SYNE3: variants seen among roughly 807,000 people sequenced by gnomAD.
The protein encoded by SYNE3 is spectrin repeat containing nuclear envelope family member 3, also known as nesprin-3.
Under a neutral mutation model 111.2 loss-of-function variants are expected in SYNE3, and 100 were observed. The observed-to-expected ratio is 0.90, with a 90% CI of 0.77 to 1.06. SYNE3 has a LOEUF of 1.06. Among genes scored for constraint, SYNE3 ranks in the 50% least tolerant of loss-of-function variants. The pLI, the probability that SYNE3 is intolerant of heterozygous loss-of-function variation, is 0.00. For synonymous variants in SYNE3, 547 were observed against 533.9 expected (o/e 1.02, Z -0.34); for missense variants, 1,160 against 1,240.3 (o/e 0.94, Z 0.97).
intron 1 of SYNE3, among the ~76,000 whole-genome samples, chr14:95,481,463 C>T (rs925229408): frequency 1.1e-4 from 16 of 152,126 alleles, no homozygotes; most frequent in African/African-American, 2.9e-4. Context: ...AGAGACAAGG[C>T]GGGGAGGCAA....
chr14:95,441,827 G>A (rs181054901), intron 11 of SYNE3, among the ~76,000 whole-genome samples: 13 of 152,344 alleles, frequency 8.5e-5, no homozygotes, highest in African/African-American at 2.9e-4. Flanking sequence ...CTTATGTCCT[G>A]GAAACTGGTG....
At chr14:95,444,156 T>C in intron 10 of SYNE3, 1 of 359,728 alleles carries the variant, frequency 2.8e-6, no homozygotes, top group Non-Finnish European at 4.9e-6. Context: ...AATCCCAAAG[T>C]TGGTTTAACT....
intron 1 of SYNE3, among the ~76,000 whole-genome samples, chr14:95,491,996 C>T (rs1889875089): frequency 6.6e-6 from 1 of 152,166 alleles, no homozygotes; most frequent in Non-Finnish European, 1.5e-5. Context: ...CCAATGAGCA[C>T]ACTGAGAAGC....
At chr14:95,492,271 A>G (rs1413968148) in intron 1 of SYNE3, among the ~76,000 whole-genome samples, 2 of 152,244 alleles carry the variant, frequency 1.3e-5, no homozygotes, top group African/African-American at 4.8e-5. Context: ...TTCTACTCTT[A>G]CATATATACT....
chr14:95,407,736 C>G lies in SYNE3; in HGVS notation c.*10090G>C, dbSNP rs1326907591. 1 of 152,066 alleles carries G rather than the reference C, an allele frequency of 6.6e-6. No homozygotes were observed. The highest frequency in any genetic ancestry group is 1.5e-5 in the Non-Finnish European group (1 of 68,026). 9.4% of individuals were successfully genotyped at this position (152,066 alleles called of 1,614,324 possible). A position where few individuals can be genotyped will look rare whatever the true frequency, so the allele number is the denominator to read the frequency against. On this transcript the variant is annotated 3_prime_UTR_variant, in exon 18 of 18. Transcript: ENST00000682763. ...TATGCAGCATCTACATGCACATATA[C>G]ACACACAAGTGTGAACGCATACACA...
chr14:95,512,719 G>A (rs1009925686), intron 1 of SYNE3, among the ~76,000 whole-genome samples: 14 of 149,894 alleles, frequency 9.3e-5, no homozygotes, highest in South Asian at 6.4e-4. Flanking sequence ...TTAGCCGGAC[G>A]TGGTGGTGGG....
intron 6 of SYNE3, among the ~76,000 whole-genome samples, chr14:95,454,235 A>G (rs1296272400): frequency 1.3e-5 from 2 of 152,176 alleles, no homozygotes; most frequent in Non-Finnish European, 2.9e-5. Context: ...TCCTCTTGCT[A>G]TGTTAATTTT....
intron 17 of SYNE3, among the ~76,000 whole-genome samples, chr14:95,431,729 A>G (rs912550528): frequency 6.6e-6 from 1 of 152,244 alleles, no homozygotes; most frequent in Non-Finnish European, 1.5e-5. Context: ...TTCCTGGGAC[A>G]GTCCCGGTTC....
In SYNE3 at chr14:95,417,144, G is replaced by T; in HGVS notation, c.*682C>A. 1 of 155,902 alleles carries T rather than the reference G, an allele frequency of 6.4e-6. No individual in the cohort carries two copies. The highest frequency in any genetic ancestry group is 1.4e-5 in the Non-Finnish European group (1 of 70,232). 9.7% of individuals were successfully genotyped at this position (155,902 alleles called of 1,614,324 possible). On this transcript the variant is annotated 3_prime_UTR_variant, in exon 18 of 18. Transcript: ENST00000682763. ...CACACAGCTGTGCTTTCTTAGTTCG[G>T]GGATCTGCTCTCTGCAGCTCTTCTT...
chr14:95,422,183 A>G (rs1434071946), intron 17 of SYNE3, among the ~76,000 whole-genome samples: 2 of 151,898 alleles, frequency 1.3e-5, no homozygotes, highest in Non-Finnish European at 2.9e-5. Flanking sequence ...CACCACTGAG[A>G]CATGGGCCAC....
intron 4 of SYNE3, 47 bp from the exon 5 acceptor site, chr14:95,457,385 C>T: frequency 1.3e-6 from 2 of 1,599,520 alleles, no homozygotes; most frequent in South Asian, 1.1e-5. Flanking sequence ...CCAGCCCAGA[C>T]AGCCCAAAGG....
At chr14:95,505,414 G>A (rs920363011) in intron 1 of SYNE3, among the ~76,000 whole-genome samples, 5 of 152,332 alleles carry the variant, frequency 3.3e-5, no homozygotes, top group African/African-American at 1.2e-4. Flanking sequence ...TCTCTGCCAG[G>A]CCAGGTGGCT....
At chr14:95,431,187 G>A (rs150889323) in intron 17 of SYNE3, among the ~76,000 whole-genome samples, 80 of 152,298 alleles carry the variant, frequency 5.3e-4, no homozygotes, top group African/African-American at 1.8e-3. Flanking sequence ...AGGAGACACC[G>A]ATTTACACTT....
At chr14:95,469,621 G>A (rs2060131860) in intron 2 of SYNE3, among the ~76,000 whole-genome samples, 1 of 151,954 alleles carries the variant, frequency 6.6e-6, no homozygotes, top group Admixed American at 6.6e-5. Context: ...TGATGTGGGA[G>A]GATCGCTTGA....
chr14:95,432,224 G>T, intron 16 of SYNE3, 107 bp from the exon 17 acceptor site: 2 of 1,363,502 alleles, frequency 1.5e-6, no homozygotes, highest in Non-Finnish European at 2.0e-6. Context: ...TGTCAGGGGA[G>T]TGTTTCTTTA....
chr14:95,497,997 C>G (rs1377632583), intron 1 of SYNE3, among the ~76,000 whole-genome samples: 1 of 151,062 alleles, frequency 6.6e-6, no homozygotes, highest in Non-Finnish European at 1.5e-5. Context: ...CACTCCCCTC[C>G]AGCCTGGGTG....
In SYNE3 at chr14:95,509,143, G is replaced by A. The variant is rs139961206; in HGVS notation, c.-15+7453C>T. ...ATTAGTATCAATGGCAAAGTGCAAC[G>A]GGAACAGGGAAACAGAGATCACCAA... is the stretch of plus-strand genomic sequence containing the variant. On this transcript the variant is annotated intron_variant, in intron 1 of 17. Coordinates refer to ENST00000682763, the MANE Select transcript of SYNE3 (RefSeq NM_152592.6). 3.3e-4 allele frequency among the ~76,000 whole-genome samples: 50 copies of A among 152,298 alleles called. No individual in the cohort carries two copies. In the East Asian group the frequency reaches 8.5e-3, roughly 26 times the overall value.
At chr14:95,509,961 A>G (rs1890665444) in intron 1 of SYNE3, among the ~76,000 whole-genome samples, 1 of 152,202 alleles carries the variant, frequency 6.6e-6, no homozygotes, top group Non-Finnish European at 1.5e-5. Flanking sequence ...AAGTACCTGC[A>G]AGACTTGAGC....
rs893121275 is a variant in SYNE3 at position 95,485,309 on chromosome 14, C to A, written c.-14-9474G>T. ...TGAAGAGCAGAGCAGGCTTCCTCCTCTTGGAGAAGGACAGAGTGAGGCGGG... is the reference window on the plus strand; with the variant it reads ...TGAAGAGCAGAGCAGGCTTCCTCCTATTGGAGAAGGACAGAGTGAGGCGGG... On this transcript the variant is annotated intron_variant, in intron 1 of 17. Coordinates refer to ENST00000682763, the MANE Select transcript of SYNE3 (RefSeq NM_152592.6). This position sits in a 1 kb window ranked among gnomAD's most constrained non-coding sequence, Gnocchi z 4.3. Among the ~76,000 whole-genome samples, 1 of 152,200 alleles carries A rather than the reference C, an allele frequency of 6.6e-6. No homozygotes were observed. The highest frequency in any genetic ancestry group is 1.5e-5 in the Non-Finnish European group (1 of 68,042).
Sources: gnomAD v4.1 joint callset for allele counts (sites outside exome capture counted in the v4.1 genomes callset) on GRCh38, gnomAD v4.1.1 for gene constraint, Gnocchi (gnomAD v3.1) non-coding constraint, MANE v1.5 for transcripts, NCBI Gene and HGNC (gene_info 2026-07-23, HGNC 2026-07-21) for gene names.